Variants in DLGAP2 observed in about 807,000 individuals in gnomAD.
DLGAP2 encodes the protein DLG associated protein 2.
DLGAP2 carries 26 observed loss-of-function variants against 100.3 expected under a neutral mutation model. The observed-to-expected ratio is 0.26, with a 90% confidence interval of 0.19 to 0.36. The LOEUF is 0.36. Among genes scored for constraint, DLGAP2 ranks in the 10% least tolerant of loss-of-function variants. The pLI is 1.00. For synonymous variants in DLGAP2, 886 were observed against 630.1 expected (o/e 1.41, Z -6.08); for missense variants, 1,858 against 1,453.2 (o/e 1.28, Z -4.53).
chr8:1,234,850 C>G (rs902596419), intron 2 of DLGAP2, among the ~76,000 whole-genome samples: 2 of 152,222 alleles, frequency 1.3e-5, no homozygotes, highest in Non-Finnish European at 2.9e-5. Flanking sequence ...GATACCCGGA[C>G]TGTTCAACAC....
chr8:1,324,529 C>T (rs1800977028), intron 3 of DLGAP2, among the ~76,000 whole-genome samples: 4 of 152,192 alleles, frequency 2.6e-5, no homozygotes, highest in Admixed American at 2.6e-4. Flanking sequence ...CCCATTAACA[C>T]ATTGCTCAGG....
chr8:856,559 C>T (rs1420474064), intron 1 of DLGAP2, among the ~76,000 whole-genome samples: 1 of 152,166 alleles, frequency 6.6e-6, no homozygotes, highest in African/African-American at 2.4e-5. Context: ...ATGCAAAGGT[C>T]AGTTACTTCA....
intron 7 of DLGAP2, 148 bp downstream of exon 7, chr8:1,627,035 T>G (rs1165030481): frequency 2.2e-6 from 2 of 916,476 alleles, no homozygotes; most frequent in African/African-American, 1.7e-5. Context: ...CCCCTGGAAT[T>G]AGCTCTGGCT....
At chr8:1,007,636 G>C (rs149961068) in intron 2 of DLGAP2, among the ~76,000 whole-genome samples, 3 of 137,346 alleles carry the variant, frequency 2.2e-5, no homozygotes, top group East Asian at 2.3e-4. Context: ...TTTTTTTTTT[G>C]GGGGGGGGAT....
intron 3 of DLGAP2, among the ~76,000 whole-genome samples, chr8:1,347,437 A>G (rs13260120): frequency 0.66 from 96,717 of 146,122 alleles, 31,842 homozygotes; most frequent in East Asian, 0.92. Context: ...ACTCATGGCA[A>G]CTATGTGGAA....
intron 2 of DLGAP2, among the ~76,000 whole-genome samples, chr8:1,154,326 A>C (rs1216706116): frequency 6.6e-6 from 1 of 152,172 alleles, no homozygotes; most frequent in Non-Finnish European, 1.5e-5. Context: ...AGCACAGCAG[A>C]ACAGCCAGGA....
intron 2 of DLGAP2, among the ~76,000 whole-genome samples, chr8:1,254,306 G>C (rs1304236801): frequency 1.3e-5 from 2 of 152,206 alleles, no homozygotes; most frequent in Admixed American, 6.5e-5. Flanking sequence ...TGTGACCTCT[G>C]ATGGGTCCAT....
intron 1 of DLGAP2, among the ~76,000 whole-genome samples, chr8:855,324 A>G (rs1228640486): frequency 6.7e-6 from 1 of 148,690 alleles, no homozygotes; most frequent in Non-Finnish European, 1.5e-5. Flanking sequence ...ATGTGCTCCC[A>G]GCGGGTGTGT....
At chr8:854,005 G>C (rs1797229751) in intron 1 of DLGAP2, among the ~76,000 whole-genome samples, 1 of 152,150 alleles carries the variant, frequency 6.6e-6, no homozygotes, top group Non-Finnish European at 1.5e-5. Flanking sequence ...ACCTAGCAAG[G>C]ACACAGTGAG....
At chr8:758,809 G>A (rs955731314) in intron 1 of DLGAP2, among the ~76,000 whole-genome samples, 3 of 152,010 alleles carry the variant, frequency 2.0e-5, no homozygotes, top group Non-Finnish European at 2.9e-5. Context: ...TGATCTACCC[G>A]CCTCAGCTCC....
At chr8:1,092,835 G>T (rs2129041857) in intron 2 of DLGAP2, among the ~76,000 whole-genome samples, 1 of 152,300 alleles carries the variant, frequency 6.6e-6, no homozygotes, top group African/African-American at 2.4e-5. Context: ...TTCCTGGAAG[G>T]CCAGGAGTGT....
chr8:1,049,929 T>C (rs954540271), intron 2 of DLGAP2, among the ~76,000 whole-genome samples: 1 of 152,194 alleles, frequency 6.6e-6, no homozygotes, highest in Non-Finnish European at 1.5e-5. Flanking sequence ...CATGCATATG[T>C]ACACACGTGG....
chr8:861,495 G>C (rs143673399), intron 1 of DLGAP2, among the ~76,000 whole-genome samples: 1 of 152,004 alleles, frequency 6.6e-6, no homozygotes, highest in Non-Finnish European at 1.5e-5. Context: ...TCATGGATCC[G>C]TAGCTCCTGT....
chr8:1,155,485 T>C (rs1796765529), intron 2 of DLGAP2, among the ~76,000 whole-genome samples: 1 of 152,102 alleles, frequency 6.6e-6, no homozygotes, highest in Non-Finnish European at 1.5e-5. Context: ...TCTCGGAATC[T>C]TGGAGGGAAC....
At chr8:1,372,916 G>A (rs1802280717) in intron 3 of DLGAP2, among the ~76,000 whole-genome samples, 1 of 152,140 alleles carries the variant, frequency 6.6e-6, no homozygotes, top group African/African-American at 2.4e-5. Context: ...AGATCCGTAC[G>A]GGGCACTCTG....
chr8:967,246 G>C (rs1799894332), intron 2 of DLGAP2, among the ~76,000 whole-genome samples: 2 of 152,182 alleles, frequency 1.3e-5, no homozygotes, highest in African/African-American at 4.8e-5. Flanking sequence ...CTTTCCCCAT[G>C]TTAGTTTTTC....
chr8:1,657,788 A>G (rs1798317237), intron 8 of DLGAP2, among the ~76,000 whole-genome samples: 2 of 152,262 alleles, frequency 1.3e-5, no homozygotes, highest in South Asian at 2.1e-4. Flanking sequence ...TAATTTTTAA[A>G]ATATAGAAAT....
rs563609513 is a variant in DLGAP2 at position 935,652 on chromosome 8, C to T, written c.73+27686C>T. Reference sequence around the variant, plus strand: ...CCATGTTTCAGGGCCGGGTGTGCCTCAGTCGTGTTCTGTCATCCGTCGTGT... The same window carrying T: ...CCATGTTTCAGGGCCGGGTGTGCCTTAGTCGTGTTCTGTCATCCGTCGTGT... On this transcript the variant is annotated intron_variant, in intron 2 of 14. Coordinates refer to ENST00000637795, the MANE Select transcript of DLGAP2 (RefSeq NM_001346810.2). Among the ~76,000 whole-genome samples, 312 of 152,214 alleles carry T rather than the reference C, an allele frequency of 2.0e-3. 1 individual carries two copies. Among genetic ancestry groups the T allele is most frequent in the African/African-American group, 7.2e-3 (299 of 41,536 alleles).
chr8:1,391,525 G>A (rs2129813277), intron 3 of DLGAP2, among the ~76,000 whole-genome samples: 1 of 152,292 alleles, frequency 6.6e-6, no homozygotes, highest in South Asian at 2.1e-4. Flanking sequence ...CGTAATGAGA[G>A]TAAGATTGGT....
Sources: gnomAD v4.1 joint callset for allele counts (sites outside exome capture counted in the v4.1 genomes callset) on GRCh38, gnomAD v4.1.1 for gene constraint, MANE v1.5 for transcripts, NCBI Gene and HGNC (gene_info 2026-07-23, HGNC 2026-07-21) for gene names.